The following NKAIN3 variants were observed in gnomAD, a reference collection of about 807,000 sequenced individuals.
NKAIN3 encodes sodium/potassium transporting ATPase interacting 3.
A neutral mutation model predicts 30.2 loss-of-function variants in NKAIN3; 25 were observed. The observed-to-expected ratio is 0.83, with a 90% CI of 0.60 to 1.16. The LOEUF (loss-of-function observed/expected upper bound fraction) is 1.16. Ranked by LOEUF, NKAIN3 falls within the 50% of genes most tolerant of loss-of-function variation. The probability of loss-of-function intolerance (pLI) is 0.00; values close to 1 mark genes in which losing one functional copy is unlikely to be tolerated. For missense variants in NKAIN3, 225 were observed against 254.1 expected (o/e 0.89, Z 0.78); for synonymous variants, 91 against 89.6 (o/e 1.02, Z -0.09).
At chr8:62,629,978 G>A (rs1283002675) in intron 3 of NKAIN3, among the ~76,000 whole-genome samples, 2 of 152,062 alleles carry the variant, frequency 1.3e-5, no homozygotes, top group African/African-American at 4.8e-5. Context: ...GTGGTCAAAT[G>A]TTGTCTGAAA....
intron 1 of NKAIN3, among the ~76,000 whole-genome samples, chr8:62,345,802 T>G (rs28896917): frequency 6.6e-6 from 1 of 151,708 alleles, no homozygotes; most frequent in Non-Finnish European, 1.5e-5. Flanking sequence ...CTTCCATTAC[T>G]GTGTTGAAGA....
chr8:62,249,106 C>G lies in NKAIN3; in HGVS notation c.33C>G (p.Ile11Met). 1 of 1,539,090 alleles carries G rather than the reference C, an allele frequency of 6.5e-7. No individual in the cohort carries two copies. The highest frequency in any genetic ancestry group is 8.7e-7 in the Non-Finnish European group (1 of 1,144,142). MGCCTGRCSL[I>M]CLCALQLVSA... ...GCTGCACCGGACGCTGCTCGCTCAT[C>G]TGCCTCTGCGCGCTGCAGTTGGTGA... The change falls in exon 1 of 7, where the codon ATC becomes ATG. Residue 11 changes from isoleucine (I) to methionine (M), a missense_variant. By Grantham distance (10) the Ile-to-Met change is conservative. Coordinates refer to ENST00000623646, the MANE Select transcript of NKAIN3 (RefSeq NM_001304533.3).
chr8:62,962,301 G>A (rs1585626666), intron 6 of NKAIN3, among the ~76,000 whole-genome samples: 1 of 152,122 alleles, frequency 6.6e-6, no homozygotes, highest in Non-Finnish European at 1.5e-5. Context: ...CTTGTTATTA[G>A]TGAAAATTAT....
At chr8:62,760,558 T>C (rs928128836) in intron 4 of NKAIN3, among the ~76,000 whole-genome samples, 1 of 142,870 alleles carries the variant, frequency 7.0e-6, no homozygotes, top group Non-Finnish European at 1.5e-5. Context: ...TTCTCACTCA[T>C]AGGTTGGAAT....
chr8:62,938,785 G>A (rs1311928973), intron 5 of NKAIN3, among the ~76,000 whole-genome samples: 1 of 152,116 alleles, frequency 6.6e-6, no homozygotes, highest in African/African-American at 2.4e-5. Flanking sequence ...CTCTGACATA[G>A]TCTACCCAAA....
At chr8:62,611,442 C>T (rs563586534) in intron 3 of NKAIN3, among the ~76,000 whole-genome samples, 1 of 152,114 alleles carries the variant, frequency 6.6e-6, no homozygotes, top group Admixed American at 6.5e-5. Flanking sequence ...CCCCACTTCC[C>T]CCCATCAGAC....
At chr8:62,639,454 G>A (rs1303214353) in intron 3 of NKAIN3, among the ~76,000 whole-genome samples, 2 of 152,092 alleles carry the variant, frequency 1.3e-5, no homozygotes, top group African/African-American at 2.4e-5. Flanking sequence ...GAGAGATGAG[G>A]ACAAAATGAA....
intron 3 of NKAIN3, among the ~76,000 whole-genome samples, chr8:62,706,379 C>T (rs1814521747): frequency 6.6e-6 from 1 of 152,084 alleles, no homozygotes; most frequent in African/African-American, 2.4e-5. Flanking sequence ...GGTTCTCAGA[C>T]ATATTCTACC....
At chr8:62,667,524 T>C (rs1203308908) in intron 3 of NKAIN3, among the ~76,000 whole-genome samples, 4 of 151,688 alleles carry the variant, frequency 2.6e-5, no homozygotes, top group Admixed American at 2.6e-4. Flanking sequence ...CTTCACATCC[T>C]ATGCCCAGTT....
intron 3 of NKAIN3, among the ~76,000 whole-genome samples, chr8:62,671,519 C>T (rs1813302660): frequency 1.3e-5 from 2 of 152,162 alleles, no homozygotes; most frequent in East Asian, 1.9e-4. Context: ...AAACTATGTA[C>T]TTTATAATTT....
chr8:62,406,457 G>A (rs1281792044), intron 1 of NKAIN3, among the ~76,000 whole-genome samples: 1 of 151,968 alleles, frequency 6.6e-6, no homozygotes, highest in Non-Finnish European at 1.5e-5. Context: ...TCTTTTATGA[G>A]TCTTTTCTTT....
intron 3 of NKAIN3, among the ~76,000 whole-genome samples, chr8:62,622,481 A>G (rs767739468): frequency 6.6e-6 from 1 of 152,014 alleles, no homozygotes; most frequent in Non-Finnish European, 1.5e-5. Context: ...AGCTGTTCTA[A>G]TAGGTGTGTA....
chr8:62,591,468 TAAAAC>T (rs1585985432), intron 3 of NKAIN3, among the ~76,000 whole-genome samples: 1 of 151,932 alleles, frequency 6.6e-6, no homozygotes, highest in Non-Finnish European at 1.5e-5. Context: ...TATGAAGTAA[TAAAAC>T]AAATAAATAA....
intron 1 of NKAIN3, among the ~76,000 whole-genome samples, chr8:62,325,518 G>C (rs907790564): frequency 1.3e-5 from 2 of 151,970 alleles, no homozygotes; most frequent in Admixed American, 1.3e-4. Flanking sequence ...TTGCTGGATT[G>C]AATGGTATTT....
intron 3 of NKAIN3, among the ~76,000 whole-genome samples, chr8:62,672,430 A>G (rs1420357832): frequency 6.6e-6 from 1 of 152,256 alleles, no homozygotes; most frequent in Non-Finnish European, 1.5e-5. Flanking sequence ...CTGTTGATCC[A>G]ATAAAATAAA....
chr8:62,813,062 G>C (rs1818542976), intron 4 of NKAIN3, among the ~76,000 whole-genome samples: 1 of 151,832 alleles, frequency 6.6e-6, no homozygotes, highest in African/African-American at 2.4e-5. Context: ...CTTCTCCACA[G>C]TGATATCCAA....
chr8:62,977,515 A>C lies in NKAIN3; in HGVS notation c.*12108A>C, dbSNP rs1414820721. ...ATTGATACTTGTGTATGCTTCATGA[A>C]GTTCTCGTGCTGTGTTTTTCAGCTC... On this transcript the variant is annotated 3_prime_UTR_variant, in exon 7 of 7. Coordinates refer to ENST00000623646, the MANE Select transcript of NKAIN3 (RefSeq NM_001304533.3). Among the ~76,000 whole-genome samples the C allele has an allele frequency of 6.6e-6, 1 of 151,658 alleles. No individual in the cohort carries two copies. The highest frequency in any genetic ancestry group is 2.0e-4 in the East Asian group (1 of 5,122).
intron 4 of NKAIN3, among the ~76,000 whole-genome samples, chr8:62,809,086 G>C (rs1818399592): frequency 6.6e-6 from 1 of 152,120 alleles, no homozygotes; most frequent in South Asian, 2.1e-4. Flanking sequence ...ATTCGCTTTT[G>C]TAAGAAGAGA....
chr8:62,290,427 G>C (rs1255407488), intron 1 of NKAIN3, among the ~76,000 whole-genome samples: 1 of 152,122 alleles, frequency 6.6e-6, no homozygotes, highest in Admixed American at 6.6e-5. Flanking sequence ...AGCGATACCT[G>C]ATTTATTGGT....
Sources: gnomAD v4.1 joint callset for allele counts (sites outside exome capture counted in the v4.1 genomes callset) on GRCh38, gnomAD v4.1.1 for gene constraint, MANE v1.5 for transcripts, NCBI Gene and HGNC (gene_info 2026-07-23, HGNC 2026-07-21) for gene names.